Variants in RFTN1 observed in about 807,000 individuals in gnomAD.
RFTN1 encodes raftlin, lipid raft linker 1, also known as raftlin.
In RFTN1, 26 loss-of-function variants were observed where a neutral mutation model predicts 46.5. That is an observed-to-expected ratio of 0.56 (90% CI 0.41 to 0.78). The LOEUF is 0.78. RFTN1 is among the 30% of genes least tolerant of loss of function. The pLI, the probability that RFTN1 is intolerant of heterozygous loss-of-function variation, is 0.00. For missense variants in RFTN1, 693 were observed against 718.7 expected (o/e 0.96, Z 0.41); for synonymous variants, 261 against 284.2 (o/e 0.92, Z 0.82).
At chr3:16,403,736 T>A (rs1373523546) in intron 4 of RFTN1, among the ~76,000 whole-genome samples, 4 of 16,812 alleles carry the variant, frequency 2.4e-4, no homozygotes, top group Admixed American at 1.0e-3. Flanking sequence ...ATTATATATA[T>A]TATATTATAT....
Position 16,376,965 on chromosome 3 carries a change from G to C in RFTN1, c.826+753C>G, listed in dbSNP as rs2073798111. 6.6e-6 allele frequency among the ~76,000 whole-genome samples: 1 copy of C among 152,008 alleles called. No homozygotes were observed. The highest frequency in any genetic ancestry group is 2.4e-5 in the African/African-American group (1 of 41,382). ...TAAACAGAAAGCCCTCCTAAGCCCT[G>C]GGGGTCTTCTGTTAGTTTTCATACT... On this transcript the variant is annotated intron_variant, in intron 5 of 9. Transcript: ENST00000334133. The surrounding 1 kb of genome is among the most constrained non-coding windows in gnomAD (Gnocchi z 4.7).
intron 7 of RFTN1, among the ~76,000 whole-genome samples, chr3:16,354,361 C>T (rs1216513554): frequency 1.3e-5 from 2 of 152,248 alleles, no homozygotes; most frequent in East Asian, 3.8e-4. Context: ...AGTCTTCCCA[C>T]AAGATCTCTC....
rs1030193672 is a variant in RFTN1, at chr3:16,506,691, A to G, written c.-9+6751T>C. On this transcript the variant is annotated intron_variant, in intron 1 of 9. Coordinates refer to ENST00000334133, the MANE Select transcript of RFTN1 (RefSeq NM_015150.2). This position sits in a 1 kb window ranked among gnomAD's most constrained non-coding sequence, Gnocchi z 4.8. ...TAACTCCACCCAAGCAGAGGTATGC[A>G]GTAGGCCGCTGGATGTACCATTTCG... 1.3e-5 allele frequency among the ~76,000 whole-genome samples: 2 copies of G among 151,864 alleles called. No individual in the cohort carries two copies. Among genetic ancestry groups the G allele is most frequent in the African/African-American group, 4.8e-5 (2 of 41,338 alleles).
At chr3:16,462,709 G>A (rs1201507275) in intron 2 of RFTN1, among the ~76,000 whole-genome samples, 4 of 152,240 alleles carry the variant, frequency 2.6e-5, no homozygotes, top group East Asian at 1.9e-4. Context: ...AGAGCTCCAA[G>A]AGACTACGTA....
intron 4 of RFTN1, among the ~76,000 whole-genome samples, chr3:16,388,781 G>C (rs1192751614): frequency 6.6e-6 from 1 of 152,150 alleles, no homozygotes; most frequent in Non-Finnish European, 1.5e-5. Flanking sequence ...GTTTCACAAA[G>C]GCACTAAGAT....
In RFTN1 at chr3:16,351,551, T is replaced by C. The variant is rs2072105213; in HGVS notation, c.1146+6381A>G. Reference sequence around the variant, plus strand: ...GAGGCTGTAATGATACCCTAAGCCATTCTACCTGAGGCTGTACTTGCAGAA... The same window carrying C: ...GAGGCTGTAATGATACCCTAAGCCACTCTACCTGAGGCTGTACTTGCAGAA... On this transcript the variant is annotated intron_variant, in intron 7 of 9. Transcript: ENST00000334133. The surrounding 1 kb of genome is among the most constrained non-coding windows in gnomAD (Gnocchi z 5.4). Among the ~76,000 whole-genome samples, 1 of 152,176 alleles carries C rather than the reference T, an allele frequency of 6.6e-6. No individual in the cohort carries two copies. The highest frequency in any genetic ancestry group is 6.5e-5 in the Admixed American group (1 of 15,280).
Position 16,334,472 on chromosome 3 carries a change from G to A in RFTN1, c.1147-7596C>T, listed in dbSNP as rs939401316. Reference sequence around the variant, plus strand: ...AGAGTTATTCACTGGAGAGCGGTCTGCAGTAGCAAGACACTGGAAACTACT... The same window carrying A: ...AGAGTTATTCACTGGAGAGCGGTCTACAGTAGCAAGACACTGGAAACTACT... On this transcript the variant is annotated intron_variant, in intron 7 of 9. Coordinates refer to ENST00000334133, the MANE Select transcript of RFTN1 (RefSeq NM_015150.2). The surrounding 1 kb of genome is among the most constrained non-coding windows in gnomAD (Gnocchi z 4.3). Among the ~76,000 whole-genome samples, 1 of 152,222 alleles carries A rather than the reference G, an allele frequency of 6.6e-6. No individual in the cohort carries two copies. Among genetic ancestry groups the A allele is most frequent in the Non-Finnish European group, 1.5e-5 (1 of 68,032 alleles).
intron 4 of RFTN1, among the ~76,000 whole-genome samples, chr3:16,401,617 A>G (rs1453141979): frequency 6.6e-6 from 1 of 152,182 alleles, no homozygotes; most frequent in Non-Finnish European, 1.5e-5. Context: ...ACCTTGGAAA[A>G]GTGCTATTTT....
At position 16,425,818 on chromosome 3, in the gene RFTN1, T is replaced by C. The variant is rs914219135; in HGVS notation, c.332+8033A>G. ...AGATGGGAAAATAAGAGGAATAAAT[T>C]AAGGTAGTCTTGGTGATGCTGGACA... On this transcript the variant is annotated intron_variant, in intron 3 of 9. Coordinates refer to ENST00000334133, the MANE Select transcript of RFTN1 (RefSeq NM_015150.2). The surrounding 1 kb of genome is among the most constrained non-coding windows in gnomAD (Gnocchi z 4.3). Among the ~76,000 whole-genome samples, 4 of 152,060 alleles carry C rather than the reference T, an allele frequency of 2.6e-5. No homozygotes were observed. The East Asian group carries it at 7.7e-4, about 29-fold the overall frequency.
In RFTN1 at chr3:16,509,444, G is replaced by A. The variant is rs576428207; in HGVS notation, c.-9+3998C>T. On this transcript the variant is annotated intron_variant, in intron 1 of 9. Coordinates refer to ENST00000334133, the MANE Select transcript of RFTN1 (RefSeq NM_015150.2). The surrounding 1 kb of genome is among the most constrained non-coding windows in gnomAD (Gnocchi z 4.9). ...AAGCTTCAATTTCCTCAGGGCTGAA[G>A]TGAAGATAATATAAGTACTCGCCTC... is the stretch of plus-strand genomic sequence containing the variant. 1.3e-5 allele frequency among the ~76,000 whole-genome samples: 2 copies of A among 152,196 alleles called. No homozygotes were observed. The highest frequency in any genetic ancestry group is 2.9e-5 in the Non-Finnish European group (2 of 68,036).
chr3:16,331,090 C>G lies in RFTN1; in HGVS notation c.1147-4214G>C, dbSNP rs530085087. On this transcript the variant is annotated intron_variant, in intron 7 of 9. Coordinates refer to ENST00000334133, the MANE Select transcript of RFTN1 (RefSeq NM_015150.2). Reference sequence around the variant, plus strand: ...TGCTTGAGACCACTTCTGGGGTGTTCTCCATACCTGAGAAAAGTGACTGGG... The same window carrying G: ...TGCTTGAGACCACTTCTGGGGTGTTGTCCATACCTGAGAAAAGTGACTGGG... 1.5e-3 allele frequency among the ~76,000 whole-genome samples: 221 copies of G among 152,334 alleles called. 1 individual carries two copies. Among genetic ancestry groups the G allele is most frequent in the African/African-American group, 4.9e-3 (205 of 41,570 alleles).
In RFTN1 at chr3:16,356,826, A is replaced by G. The variant is rs1228514235; in HGVS notation, c.1146+1106T>C. ...CAAAGCATTCAGAAAGCAGTTCTCTATGTCCATGGCTGGGCACGGTGGCTC... is the reference window on the plus strand; with the variant it reads ...CAAAGCATTCAGAAAGCAGTTCTCTGTGTCCATGGCTGGGCACGGTGGCTC... On this transcript the variant is annotated intron_variant, in intron 7 of 9. Coordinates refer to ENST00000334133, the MANE Select transcript of RFTN1 (RefSeq NM_015150.2). This position sits in a 1 kb window ranked among gnomAD's most constrained non-coding sequence, Gnocchi z 4.9. Among the ~76,000 whole-genome samples the G allele has an allele frequency of 6.6e-6, 1 of 152,212 alleles. No individual in the cohort carries two copies. The highest frequency in any genetic ancestry group is 1.5e-5 in the Non-Finnish European group (1 of 68,024).
In RFTN1 at chr3:16,468,302, C is replaced by G. The variant is rs920689170; in HGVS notation, c.145+25423G>C. 1.3e-5 allele frequency among the ~76,000 whole-genome samples: 2 copies of G among 152,226 alleles called. No individual in the cohort carries two copies. The highest frequency in any genetic ancestry group is 1.3e-4 in the Admixed American group (2 of 15,296). On this transcript the variant is annotated intron_variant, in intron 2 of 9. Transcript: ENST00000334133. This position sits in a 1 kb window ranked among gnomAD's most constrained non-coding sequence, Gnocchi z 4.4. ...GTAGGAGTTCCCAAACCCTCACTGTCGTTCGTTTTTGAAGTACCTGCATTC... is the reference window on the plus strand; with the variant it reads ...GTAGGAGTTCCCAAACCCTCACTGTGGTTCGTTTTTGAAGTACCTGCATTC...
At chr3:16,487,968 G>A (rs1358366717) in intron 2 of RFTN1, among the ~76,000 whole-genome samples, 1 of 152,164 alleles carries the variant, frequency 6.6e-6, no homozygotes, top group Non-Finnish European at 1.5e-5. Flanking sequence ...CAGCTTATGT[G>A]CTTCACTGTA....
Position 16,321,362 on chromosome 3 carries a change from C to T in RFTN1, c.1332+2014G>A, listed in dbSNP as rs902830046. Among the ~76,000 whole-genome samples the T allele has an allele frequency of 6.6e-6, 1 of 152,060 alleles. No individual in the cohort carries two copies. Among genetic ancestry groups the T allele is most frequent in the Admixed American group, 6.5e-5 (1 of 15,270 alleles). ...AACCCTGAGGAACTTAGTGGGAAAC[C>T]AGGAGAATGAGGTGGGAAAGAACCA... On this transcript the variant is annotated intron_variant, in intron 9 of 9. Coordinates refer to ENST00000334133, the MANE Select transcript of RFTN1 (RefSeq NM_015150.2). The surrounding 1 kb of genome is among the most constrained non-coding windows in gnomAD (Gnocchi z 4.8).
intron 3 of RFTN1, among the ~76,000 whole-genome samples, chr3:16,420,632 TA>T (rs1180491378): frequency 1.3e-5 from 2 of 152,262 alleles, no homozygotes; most frequent in Admixed American, 6.5e-5. Flanking sequence ...AGAAATGTTC[TA>T]TATCTGTACA....
chr3:16,325,994 G>A (rs1301896426), intron 8 of RFTN1, among the ~76,000 whole-genome samples: 1 of 152,210 alleles, frequency 6.6e-6, no homozygotes, highest in Non-Finnish European at 1.5e-5. Flanking sequence ...GAGGTTCTAG[G>A]CCCAGTTTCT....
rs777875703 is a variant in RFTN1, at chr3:16,335,188, G to A, written c.1147-8312C>T. ...ACAGGAAATTAATCCACAGCTCAGGGCCAGGAAAAGGCTGGGATGGGGATA... is the reference window on the plus strand; with the variant it reads ...ACAGGAAATTAATCCACAGCTCAGGACCAGGAAAAGGCTGGGATGGGGATA... On this transcript the variant is annotated intron_variant, in intron 7 of 9. Transcript: ENST00000334133. This position sits in a 1 kb window ranked among gnomAD's most constrained non-coding sequence, Gnocchi z 4.7. Among the ~76,000 whole-genome samples, 1 of 152,210 alleles carries A rather than the reference G, an allele frequency of 6.6e-6. No homozygotes were observed. The highest frequency in any genetic ancestry group is 1.5e-5 in the Non-Finnish European group (1 of 68,048).
Position 16,323,385 on chromosome 3 carries a change from C to T in RFTN1, c.1323G>A (p.Lys441=). The T allele has an allele frequency of 1.2e-6, 2 of 1,608,426 alleles. No individual in the cohort carries two copies. Among genetic ancestry groups the T allele is most frequent in the South Asian group, 2.2e-5 (2 of 91,020 alleles). Residue 441 remains lysine (K), a synonymous_variant, in exon 9 of 10, where the codon AAG becomes AAA. Transcript: ENST00000334133. ...CATCAAAGTCTCTTACCTTCGATTC[C>T]TTCTTCTTGATTTTCTGAGGTAGAC... The part of the protein sequence containing the change: ...RPCLPQKIKK[K]ESKFQWRFSR...
Sources: allele counts gnomAD v4.1 joint callset (sites outside exome capture counted in the v4.1 genomes callset), GRCh38; gene constraint gnomAD v4.1.1; non-coding constraint Gnocchi (gnomAD v3.1); transcripts MANE v1.5; gene names NCBI Gene and HGNC (gene_info 2026-07-23, HGNC 2026-07-21).